The following TACR1 variants were observed in gnomAD, a reference collection of about 807,000 sequenced individuals.
TACR1 encodes tachykinin receptor 1.
In TACR1, 25 loss-of-function variants were observed where a neutral mutation model predicts 35.8. That is an observed-to-expected ratio of 0.70 (90% CI 0.51 to 0.98). TACR1 has a LOEUF of 0.98. TACR1 is among the 50% of genes least tolerant of loss of function. TACR1 has a pLI of 0.00. For synonymous variants in TACR1, 195 were observed against 206.7 expected (o/e 0.94, Z 0.48); for missense variants, 478 against 522.9 (o/e 0.91, Z 0.84).
At chr2:75,146,675 T>C (rs1674523935) in intron 1 of TACR1, among the ~76,000 whole-genome samples, 1 of 152,228 alleles carries the variant, frequency 6.6e-6, no homozygotes, top group Non-Finnish European at 1.5e-5. Context: ...ATGTGGAATC[T>C]ACTAGTTACT....
At chr2:75,068,571 C>T (rs1412709214) in intron 2 of TACR1, among the ~76,000 whole-genome samples, 3 of 152,174 alleles carry the variant, frequency 2.0e-5, no homozygotes, top group Admixed American at 2.0e-4. Flanking sequence ...ATAGCTGACA[C>T]TGATACAGTG....
intron 1 of TACR1, among the ~76,000 whole-genome samples, chr2:75,184,384 A>G (rs1177279142): frequency 6.6e-6 from 1 of 150,998 alleles, no homozygotes; most frequent in Non-Finnish European, 1.5e-5. Flanking sequence ...ATCACAGGTT[A>G]AAAAAAAAGG....
At chr2:75,062,818 A>G (rs1312649744) in intron 2 of TACR1, among the ~76,000 whole-genome samples, 1 of 152,220 alleles carries the variant, frequency 6.6e-6, no homozygotes, top group Non-Finnish European at 1.5e-5. Context: ...GTTTTTGCCA[A>G]CATGATAGGT....
intron 2 of TACR1, among the ~76,000 whole-genome samples, chr2:75,062,502 T>C (rs994329222): frequency 1.3e-5 from 2 of 152,232 alleles, no homozygotes; most frequent in South Asian, 4.1e-4. Flanking sequence ...TTTTAATAGC[T>C]GCAATAATGT....
At chr2:75,169,480 G>T (rs976633444) in intron 1 of TACR1, among the ~76,000 whole-genome samples, 2 of 152,122 alleles carry the variant, frequency 1.3e-5, no homozygotes, top group Non-Finnish European at 2.9e-5. Flanking sequence ...TATGGATTTT[G>T]CTCAATTACT....
intron 1 of TACR1, among the ~76,000 whole-genome samples, chr2:75,181,687 G>A (rs1675562325): frequency 6.6e-6 from 1 of 152,080 alleles, no homozygotes; most frequent in Non-Finnish European, 1.5e-5. Flanking sequence ...TTACCATAGT[G>A]CTTATAAGTT....
chr2:75,151,283 A>T (rs1038720979), intron 1 of TACR1, among the ~76,000 whole-genome samples: 1 of 152,214 alleles, frequency 6.6e-6, no homozygotes, highest in African/African-American at 2.4e-5. Context: ...AGAGACCTTC[A>T]TGGCAGCCCC....
intron 1 of TACR1, among the ~76,000 whole-genome samples, chr2:75,148,813 T>C (rs1674603882): frequency 6.6e-6 from 1 of 152,220 alleles, no homozygotes; most frequent in Non-Finnish European, 1.5e-5. Context: ...ATGTCCTGAA[T>C]GATACTGCCT....
At chr2:75,133,842 C>T (rs1161786611) in intron 1 of TACR1, among the ~76,000 whole-genome samples, 2 of 152,168 alleles carry the variant, frequency 1.3e-5, no homozygotes, top group African/African-American at 4.8e-5. Flanking sequence ...CACAGGGTGA[C>T]ATAAGAGGTA....
At chr2:75,155,557 G>A (rs1433646690) in intron 1 of TACR1, among the ~76,000 whole-genome samples, 1 of 152,158 alleles carries the variant, frequency 6.6e-6, no homozygotes, top group Non-Finnish European at 1.5e-5. Flanking sequence ...TCCATCCAGA[G>A]AGGCCACCAT....
intron 1 of TACR1, among the ~76,000 whole-genome samples, chr2:75,168,202 G>C (rs945270237): frequency 6.6e-6 from 1 of 152,134 alleles, no homozygotes. Flanking sequence ...GGTTAAACGA[G>C]CTATGACCAT....
chr2:75,136,072 C>T (rs1276455692), intron 1 of TACR1, among the ~76,000 whole-genome samples: 3 of 152,176 alleles, frequency 2.0e-5, no homozygotes, highest in East Asian at 1.9e-4. Context: ...AGAAAAGCAC[C>T]TCCCCAAGCA....
chr2:75,170,091 T>G (rs1017271330), intron 1 of TACR1, among the ~76,000 whole-genome samples: 11 of 152,208 alleles, frequency 7.2e-5, no homozygotes, highest in African/African-American at 2.7e-4. Context: ...TCAGAGAACC[T>G]AATGCAGTGA....
At chr2:75,166,223 A>T (rs572600477) in intron 1 of TACR1, among the ~76,000 whole-genome samples, 1 of 152,352 alleles carries the variant, frequency 6.6e-6, no homozygotes, top group East Asian at 1.9e-4. Context: ...CTGGAGACAG[A>T]CTAGAAATTG....
chr2:75,193,047 C>T (rs143156991), intron 1 of TACR1, among the ~76,000 whole-genome samples: 190 of 152,086 alleles, frequency 1.2e-3, no homozygotes, highest in South Asian at 4.2e-3. Context: ...CTCTTTCATT[C>T]TGTCTCCTCC....
At chr2:75,158,844 C>G (rs1364023455) in intron 1 of TACR1, among the ~76,000 whole-genome samples, 1 of 152,168 alleles carries the variant, frequency 6.6e-6, no homozygotes, top group Non-Finnish European at 1.5e-5. Context: ...CTCAAACGGT[C>G]CCATGTCCCA....
intron 2 of TACR1, among the ~76,000 whole-genome samples, chr2:75,056,827 G>A (rs1055829479): frequency 1.3e-5 from 2 of 152,194 alleles, no homozygotes; most frequent in African/African-American, 4.8e-5. Flanking sequence ...GCTAAAATGT[G>A]TTACAGTCAG....
At chr2:75,193,961 C>G (rs756119923) in intron 1 of TACR1, among the ~76,000 whole-genome samples, 5 of 152,182 alleles carry the variant, frequency 3.3e-5, no homozygotes, top group Non-Finnish European at 5.9e-5. Flanking sequence ...ATATCTTTAT[C>G]TAAGTTTGAT....
At chr2:75,059,196 A>T (rs541832215) in intron 2 of TACR1, among the ~76,000 whole-genome samples, 1 of 152,216 alleles carries the variant, frequency 6.6e-6, no homozygotes, top group South Asian at 2.1e-4. Flanking sequence ...TGCAATATCC[A>T]TACCACATAA....
Sources: allele counts gnomAD v4.1 joint callset (sites outside exome capture counted in the v4.1 genomes callset), GRCh38; gene constraint gnomAD v4.1.1; transcripts MANE v1.5; gene names NCBI Gene and HGNC (gene_info 2026-07-23, HGNC 2026-07-21).